Variants in CDK6 observed in about 807,000 individuals in gnomAD.
CDK6 encodes cyclin-dependent kinase 6.
Under a neutral mutation model 37.1 loss-of-function variants are expected in CDK6, and 6 were observed. That is an observed-to-expected ratio of 0.16 (90% CI 0.09 to 0.32). CDK6 has a LOEUF of 0.32. Among genes scored for constraint, CDK6 ranks in the 10% least tolerant of loss-of-function variants. CDK6 has a pLI of 1.00. For missense variants in CDK6, 224 were observed against 418.9 expected, an observed-to-expected ratio of 0.53 and a Z score of 4.06; for synonymous variants, 160 against 161.3, an observed-to-expected ratio of 0.99 and a Z score of 0.06.
intron 3 of CDK6, among the ~76,000 whole-genome samples, chr7:92,735,008 C>G (rs1407348597): frequency 6.6e-6 from 1 of 152,168 alleles, no homozygotes. Flanking sequence ...GTACCTTATC[C>G]TCTCCCATCT....
chr7:92,639,482 G>C (rs1796252095), intron 5 of CDK6, among the ~76,000 whole-genome samples: 1 of 152,152 alleles, frequency 6.6e-6, no homozygotes, highest in African/African-American at 2.4e-5. Context: ...AGTATTACTG[G>C]ACAGCATGGC....
rs146973586 is a variant in CDK6, at chr7:92,800,857, G to A, written c.234-26026C>T. ...TCCAAGTTCTAGAATGGACTCTGAG[G>A]AAACCTAAGAACAGAGACACCATAG... On this transcript the variant is annotated intron_variant, in intron 2 of 7. Transcript: ENST00000424848. Among the ~76,000 whole-genome samples, 720 of 152,274 alleles carry A rather than the reference G, an allele frequency of 4.7e-3. 5 individuals carry two copies. The Middle Eastern group carries it at 0.054, about 12-fold the overall frequency.
chr7:92,669,840 G>A (rs540752964), intron 5 of CDK6, among the ~76,000 whole-genome samples: 1 of 152,202 alleles, frequency 6.6e-6, no homozygotes, highest in African/African-American at 2.4e-5. Context: ...TATCCTGGAG[G>A]CTGTATTAGG....
chr7:92,804,515 T>G (rs546171940), intron 2 of CDK6, among the ~76,000 whole-genome samples: 22 of 152,344 alleles, frequency 1.4e-4, no homozygotes, highest in African/African-American at 5.3e-4. Context: ...CTCTTGGTTT[T>G]CCTCTTCTTG....
At chr7:92,785,054 C>T (rs541138727) in intron 2 of CDK6, among the ~76,000 whole-genome samples, 6 of 152,126 alleles carry the variant, frequency 3.9e-5, no homozygotes, top group Non-Finnish European at 8.8e-5. Flanking sequence ...CACAAATGTT[C>T]ACTGAATGAT....
chr7:92,755,271 G>C (rs1211025951), intron 3 of CDK6, among the ~76,000 whole-genome samples: 1 of 152,000 alleles, frequency 6.6e-6, no homozygotes, highest in Admixed American at 6.6e-5. Context: ...AGGGCTAATT[G>C]TATCCACTTG....
intron 5 of CDK6, among the ~76,000 whole-genome samples, chr7:92,662,946 T>A (rs1390644957): frequency 6.6e-6 from 1 of 152,166 alleles, no homozygotes; most frequent in East Asian, 1.9e-4. Flanking sequence ...TTTAGTTACC[T>A]TGAAGAAGAT....
chr7:92,772,397 A>T (rs1309923223), intron 3 of CDK6, among the ~76,000 whole-genome samples: 1 of 151,852 alleles, frequency 6.6e-6, no homozygotes, highest in African/African-American at 2.4e-5. Flanking sequence ...CTTGCCCCCA[A>T]CTCCACCTCG....
At chr7:92,750,240 C>G (rs1362788209) in intron 3 of CDK6, among the ~76,000 whole-genome samples, 1 of 152,184 alleles carries the variant, frequency 6.6e-6, no homozygotes, top group South Asian at 2.1e-4. Context: ...ACAGTACTAA[C>G]TGCATGACTT....
chr7:92,793,982 T>A (rs1800343693), intron 2 of CDK6, among the ~76,000 whole-genome samples: 1 of 152,034 alleles, frequency 6.6e-6, no homozygotes, highest in Non-Finnish European at 1.5e-5. Flanking sequence ...GTAAAAACAC[T>A]GAATCAAGCG....
chr7:92,606,414 G>C lies in CDK6; in HGVS notation c.*8726C>G, dbSNP rs367780100. ...AGGCACACCTGTGGTCCATGATGTG[G>C]AGGAAGATGGAGAGCACCATGTGGA... On this transcript the variant is annotated 3_prime_UTR_variant, in exon 8 of 8. Transcript: ENST00000424848. 15 of 233,324 alleles carry C rather than the reference G, an allele frequency of 6.4e-5. No individual in the cohort carries two copies. Among genetic ancestry groups the C allele is most frequent in the African/African-American group, 3.3e-4 (15 of 45,350 alleles). The allele number at this position is 233,324 out of a possible 1,614,324, so 14.5% of individuals were successfully genotyped here.
intron 5 of CDK6, among the ~76,000 whole-genome samples, chr7:92,667,006 C>T (rs1796972429): frequency 6.6e-6 from 1 of 152,062 alleles, no homozygotes; most frequent in Admixed American, 6.6e-5. Context: ...CTGAAGCCCT[C>T]CTAGTGGGAC....
chr7:92,615,373 A>T (rs1050675349), intron 7 of CDK6, 87 bp from the exon 8 acceptor site: 8 of 1,107,424 alleles, frequency 7.2e-6, no homozygotes, highest in Non-Finnish European at 1.1e-5. Context: ...ATTCACTGTC[A>T]TATGTTAAGC....
At chr7:92,648,353 G>C (rs1344831993) in intron 5 of CDK6, among the ~76,000 whole-genome samples, 2 of 152,160 alleles carry the variant, frequency 1.3e-5, no homozygotes, top group East Asian at 1.9e-4. Context: ...GTCTTGACAT[G>C]AGTCAAGTGA....
At chr7:92,826,916 A>T in intron 2 of CDK6, among the ~76,000 whole-genome samples, 1 of 152,188 alleles carries the variant, frequency 6.6e-6, no homozygotes, top group African/African-American at 2.4e-5. Context: ...GATATAAAAT[A>T]CACAATCCTG....
chr7:92,759,758 CT>C (rs1004711263), intron 3 of CDK6, among the ~76,000 whole-genome samples: 2 of 151,200 alleles, frequency 1.3e-5, no homozygotes, highest in African/African-American at 4.9e-5. Flanking sequence ...CACAAATTCC[CT>C]TTGTTTGGCA....
chr7:92,768,507 G>C (rs1053734555), intron 3 of CDK6, among the ~76,000 whole-genome samples: 6 of 152,110 alleles, frequency 3.9e-5, no homozygotes, highest in African/African-American at 1.4e-4. Flanking sequence ...ATTATTTCCT[G>C]TTACTATGAA....
chr7:92,779,749 T>C (rs1799939822), intron 2 of CDK6, among the ~76,000 whole-genome samples: 1 of 152,200 alleles, frequency 6.6e-6, no homozygotes, highest in Non-Finnish European at 1.5e-5. Context: ...TGACTTAAAT[T>C]ATGTCTGATT....
At chr7:92,662,386 G>A (rs1028780012) in intron 5 of CDK6, among the ~76,000 whole-genome samples, 1 of 152,040 alleles carries the variant, frequency 6.6e-6, no homozygotes, top group East Asian at 1.9e-4. Context: ...CATGGAAGTG[G>A]GTCTCAGACC....
Sources: gnomAD v4.1 joint callset for allele counts (sites outside exome capture counted in the v4.1 genomes callset) on GRCh38, gnomAD v4.1.1 for gene constraint, MANE v1.5 for transcripts, NCBI Gene and HGNC (gene_info 2026-07-23, HGNC 2026-07-21) for gene names.